ATRIP: variants seen among roughly 807,000 people sequenced by gnomAD.
ATRIP encodes the protein ATR-interacting protein.
In ATRIP, 44 loss-of-function variants were observed where a neutral mutation model predicts 78.1. The ratio of observed to expected loss-of-function variants is 0.56; its 90% CI spans 0.44 to 0.72. The LOEUF (loss-of-function observed/expected upper bound fraction) is 0.72, where lower values mean the gene tolerates loss of function less well. Ranked by LOEUF, ATRIP falls within the 30% of genes least tolerant of loss-of-function variation. The pLI is 0.00. For missense variants in ATRIP, 927 were observed against 980.2 expected, an observed-to-expected ratio of 0.95 and a Z score of 0.72; for synonymous variants, 388 against 408.9, an observed-to-expected ratio of 0.95 and a Z score of 0.62.
chr3:48,467,392 C>A lies in ATRIP; in HGVS notation c.*1838C>A. ...TCTGCTAGGACCAAGCCAAGACCATCTGCTGTCACAACCACTGCACACCTG... is the reference window on the plus strand; with the variant it reads ...TCTGCTAGGACCAAGCCAAGACCATATGCTGTCACAACCACTGCACACCTG... On this transcript the variant is annotated 3_prime_UTR_variant, in exon 13 of 13. Transcript: ENST00000320211. The A allele has an allele frequency of 6.2e-7, 1 of 1,614,196 alleles. No homozygotes were observed. The highest frequency in any genetic ancestry group is 1.3e-5 in the African/African-American group (1 of 75,062).
Position 48,446,786 on chromosome 3 carries a change from C to T in ATRIP, c.-60C>T, listed in dbSNP as rs1012978179. ...CGCGCGGACGGTTGGTCCAGTTCTC[C>T]GGCCTGGCGGCAGGCAAGTCTAGCT... On this transcript the variant is annotated 5_prime_UTR_variant, in exon 1 of 13. Transcript: ENST00000320211. The T allele has an allele frequency of 1.8e-5, 25 of 1,353,758 alleles. No individual in the cohort carries two copies. The Admixed American group carries it at 7.4e-4, about 40-fold the overall frequency. The allele number at this position is 1,353,758 out of a possible 1,614,324, so 83.9% of individuals were successfully genotyped here.
rs773631605 is a variant in ATRIP at position 48,459,443 on chromosome 3, C to T, written c.914C>T (p.Ser305Leu). Residue 305 changes from serine to leucine, a missense_variant, in exon 6 of 13, where the codon TCA (serine) becomes TTA (leucine). Ser to Leu is a moderately radical substitution (Grantham distance 145, BLOSUM62 -2). Transcript: ENST00000320211. Reference sequence around the variant, plus strand: ...TTTGTTGACAGCTGGAGACAGAGATCAAACACTCAAGGTACCAGAATCCCT... The same window carrying T: ...TTTGTTGACAGCTGGAGACAGAGATTAAACACTCAAGGTACCAGAATCCCT... ...KSFVDSWRQR[S>L]NTQGSILINL... is the part of the protein sequence containing the mutation. The T allele has an allele frequency of 1.2e-6, 2 of 1,613,756 alleles. No individual in the cohort carries two copies. The highest frequency in any genetic ancestry group is 1.3e-5 in the African/African-American group (1 of 75,034).
In ATRIP at chr3:48,460,178, T is replaced by C. The variant is rs1341562059; in HGVS notation, c.1124T>C (p.Leu375Pro). 1 of 1,614,074 alleles carries C rather than the reference T, an allele frequency of 6.2e-7. No individual in the cohort carries two copies. The highest frequency in any genetic ancestry group is 1.7e-5 in the Admixed American group (1 of 60,014). The change falls in exon 8 of 13, where the codon CTG becomes CCG. Residue 375 changes from leucine (L) to proline (P), a missense_variant. Leu to Pro is a moderately conservative substitution (Grantham distance 98). Coordinates refer to ENST00000320211, the MANE Select transcript of ATRIP (RefSeq NM_130384.3). Reference sequence around the variant, plus strand: ...GATGGGTCATTTTCCCTCTCAGCCCTGAGAGAAGCACAGAACCTGGCATTC... The same window carrying C: ...GATGGGTCATTTTCCCTCTCAGCCCCGAGAGAAGCACAGAACCTGGCATTC... ...SYDGSFSLSA[L>P]REAQNLAFTG...
At chr3:48,464,451 C>T (rs2040210620) in intron 10 of ATRIP, 131 bp from the exon 11 acceptor site, 1 of 1,073,328 alleles carries the variant, frequency 9.3e-7, no homozygotes, top group Non-Finnish European at 1.4e-6. Context: ...AGGTCCCACA[C>T]CACTTCTTGG....
At position 48,460,784 on chromosome 3, in the gene ATRIP, G is replaced by T. The variant is rs1560107116; in HGVS notation, c.1730G>T (p.Cys577Phe). ...VLVKLAENTS[C>F]DFLPRFQCVF... is the part of the protein sequence containing the mutation. ...GTGAAATTAGCCGAAAACACTTCCT[G>T]TGATTTCTTGCCCAGGTATTAAGCT... Residue 577 changes from cysteine (C) to phenylalanine (F), a missense_variant, in exon 8 of 13, where the codon TGT becomes TTT. By Grantham distance (205) the Cys-to-Phe change is radical. Transcript: ENST00000320211. 1 of 1,598,016 alleles carries T rather than the reference G, an allele frequency of 6.3e-7. No homozygotes were observed. The highest frequency in any genetic ancestry group is 1.7e-5 in the Admixed American group (1 of 59,520).
chr3:48,451,223 C>A (rs912562651), intron 2 of ATRIP, among the ~76,000 whole-genome samples: 1 of 151,786 alleles, frequency 6.6e-6, no homozygotes, highest in African/African-American at 2.4e-5. Context: ...GGCAAGGTGG[C>A]TCATGCCTGT....
At chr3:48,456,715 C>G (rs1352504644) in intron 4 of ATRIP, among the ~76,000 whole-genome samples, 1 of 151,566 alleles carries the variant, frequency 6.6e-6, no homozygotes, top group Admixed American at 6.6e-5. Context: ...GTCAAGGCTG[C>G]AGTGAGCTAT....
chr3:48,463,888 C>G lies in ATRIP; in HGVS notation c.1882+7C>G. ...CAGCTCTGTTCCCACTCAGGTAAAG[C>G]AGGGTGGGGCGGGCGTCTAGACTGC... is the stretch of plus-strand genomic sequence containing the variant. On this transcript the variant is annotated splice_region_variant and intron_variant, in intron 9 of 12. Transcript: ENST00000320211. The G allele has an allele frequency of 6.2e-7, 1 of 1,614,010 alleles. No individual in the cohort carries two copies.
At position 48,467,394 on chromosome 3, in the gene ATRIP, G is replaced by C. The variant is rs112741962; in HGVS notation, c.*1840G>C. 1.3e-4 allele frequency: 204 copies of C among 1,614,204 alleles called. No individual in the cohort carries two copies. The African/African-American group carries it at 2.1e-3, about 16-fold the overall frequency. On this transcript the variant is annotated 3_prime_UTR_variant, in exon 13 of 13. Coordinates refer to ENST00000320211, the MANE Select transcript of ATRIP (RefSeq NM_130384.3). The stretch of plus-strand genomic sequence containing the variant: ...TGCTAGGACCAAGCCAAGACCATCT[G>C]CTGTCACAACCACTGCACACCTGGC...
chr3:48,446,963 G>C lies in ATRIP; in HGVS notation c.118G>C (p.Ala40Pro). The change falls in exon 1 of 13, where the codon GCC becomes CCC. Residue 40 changes from alanine to proline, a missense_variant. Transcript: ENST00000320211. ...PSKRARGFSA[A>P]AAPDPDDPFG... ...CAAGCGGGCCCGGGGCTTCTCCGCA[G>C]CCGCTGCCCCGGACCCTGACGACCC... is the stretch of plus-strand genomic sequence containing the variant. 3 of 1,545,474 alleles carry C rather than the reference G, an allele frequency of 1.9e-6. No homozygotes were observed. The highest frequency in any genetic ancestry group is 1.7e-6 in the Non-Finnish European group (2 of 1,148,944).
At chr3:48,450,230 T>C in intron 2 of ATRIP, 60 bp downstream of exon 2, 2 of 1,553,358 alleles carry the variant, frequency 1.3e-6, no homozygotes, top group Non-Finnish European at 1.8e-6. Flanking sequence ...TTTAAAAGCA[T>C]TGTACAGTAA....
rs771996246 is a variant in ATRIP, at chr3:48,467,462, T to C, written c.*1908T>C. On this transcript the variant is annotated 3_prime_UTR_variant, in exon 13 of 13. Transcript: ENST00000320211. Reference sequence around the variant, plus strand: ...GTCCCAGCCTTGGAGAGAGCAGGGGTACCAAGGATCTTCCTCCAGTGAAGG... The same window carrying C: ...GTCCCAGCCTTGGAGAGAGCAGGGGCACCAAGGATCTTCCTCCAGTGAAGG... The C allele has an allele frequency of 1.2e-6, 2 of 1,613,868 alleles. No homozygotes were observed. Among genetic ancestry groups the C allele is most frequent in the Non-Finnish European group, 1.7e-6 (2 of 1,179,996 alleles).
Position 48,466,176 on chromosome 3 carries a change from G to A in ATRIP, c.*622G>A, listed in dbSNP as rs3135940. 6.1e-5 allele frequency: 31 copies of A among 508,390 alleles called. No homozygotes were observed. The highest frequency in any genetic ancestry group is 2.3e-4 in the Admixed American group (7 of 30,864). 31.5% of individuals were successfully genotyped at this position (508,390 alleles called of 1,614,324 possible). On this transcript the variant is annotated 3_prime_UTR_variant, in exon 13 of 13. Coordinates refer to ENST00000320211, the MANE Select transcript of ATRIP (RefSeq NM_130384.3). ...AGAGGGACAGACCAGGCAGGCTGAC[G>A]AGCAGGGCGGGCCTGGCTCACGTGG...
In ATRIP at chr3:48,446,929, C is replaced by T. The variant is rs766536731; in HGVS notation, c.84C>T (p.His28=). 2.1e-6 allele frequency: 3 copies of T among 1,449,886 alleles called. No individual in the cohort carries two copies. The highest frequency in any genetic ancestry group is 5.7e-5 in the East Asian group (2 of 35,344). The allele number at this position is 1,449,886 out of a possible 1,614,324, so 89.8% of individuals were successfully genotyped here. A position where few individuals can be genotyped will look rare whatever the true frequency, so the allele number is the denominator to read the frequency against. ...PRPGPPPGTG[H]PPSKRARGFS... Reference sequence around the variant, plus strand: ...CCGGCCCGCCGCCGGGCACCGGGCACCCCCCGAGCAAGCGGGCCCGGGGCT... The same window carrying T: ...CCGGCCCGCCGCCGGGCACCGGGCATCCCCCGAGCAAGCGGGCCCGGGGCT... Residue 28 remains histidine (H), a synonymous_variant, in exon 1 of 13, where the codon CAC becomes CAT. Coordinates refer to ENST00000320211, the MANE Select transcript of ATRIP (RefSeq NM_130384.3).
chr3:48,464,243 C>A, intron 10 of ATRIP, 111 bp downstream of exon 10: 1 of 1,033,810 alleles, frequency 9.7e-7, no homozygotes, highest in Non-Finnish European at 1.5e-6. Flanking sequence ...ATTTTAGTAA[C>A]AAGAGTTGAT....
In ATRIP at chr3:48,466,220, G is replaced by A. The variant is rs560746840; in HGVS notation, c.*666G>A. The A allele has an allele frequency of 1.4e-5, 8 of 575,408 alleles. No individual in the cohort carries two copies. Among genetic ancestry groups the A allele is most frequent in the Admixed American group, 2.9e-5 (1 of 34,138 alleles). The allele number at this position is 575,408 out of a possible 1,614,324, so 35.6% of individuals were successfully genotyped here. A position where few individuals can be genotyped will look rare whatever the true frequency, so the allele number is the denominator to read the frequency against. On this transcript the variant is annotated 3_prime_UTR_variant, in exon 13 of 13. Transcript: ENST00000320211. Reference sequence around the variant, plus strand: ...CACGTGGGCCTGTAGGCGGGCCCACGCCAAGTTTCACTTCCCGCCACTGCT... The same window carrying A: ...CACGTGGGCCTGTAGGCGGGCCCACACCAAGTTTCACTTCCCGCCACTGCT...
In ATRIP at chr3:48,467,374, G is replaced by A. The variant is rs745707260; in HGVS notation, c.*1820G>A. 5.0e-6 allele frequency: 8 copies of A among 1,614,066 alleles called. No individual in the cohort carries two copies. In the African/African-American group the frequency reaches 6.7e-5, roughly 13 times the overall value. ...ATGTATGGGGTCACAGCCTCTGCTA[G>A]GACCAAGCCAAGACCATCTGCTGTC... On this transcript the variant is annotated 3_prime_UTR_variant, in exon 13 of 13. Coordinates refer to ENST00000320211, the MANE Select transcript of ATRIP (RefSeq NM_130384.3).
chr3:48,466,608 C>T lies in ATRIP; in HGVS notation c.*1054C>T, dbSNP rs1192387775. The T allele has an allele frequency of 1.2e-6, 2 of 1,613,910 alleles. No homozygotes were observed. Among genetic ancestry groups the T allele is most frequent in the African/African-American group, 1.3e-5 (1 of 74,868 alleles). On this transcript the variant is annotated 3_prime_UTR_variant, in exon 13 of 13. Transcript: ENST00000320211. ...GATCTTAACACTGGGCACTCACACA[C>T]CCACCCCATGCTCCTCTCCAGGCTC...
Position 48,446,957 on chromosome 3 carries a change from T to G in ATRIP, c.112T>G (p.Ser38Ala). 6.5e-7 allele frequency: 1 copy of G among 1,537,956 alleles called. No homozygotes were observed. Among genetic ancestry groups the G allele is most frequent in the Non-Finnish European group, 8.7e-7 (1 of 1,144,856 alleles). Residue 38 changes from serine to alanine, a missense_variant, in exon 1 of 13, where the codon TCC becomes GCC. By Grantham distance (99) the Ser-to-Ala change is moderately conservative. Transcript: ENST00000320211. ...HPPSKRARGF[S>A]AAAAPDPDDP... ...CCCGAGCAAGCGGGCCCGGGGCTTC[T>G]CCGCAGCCGCTGCCCCGGACCCTGA...
Sources: allele counts gnomAD v4.1 joint callset (sites outside exome capture counted in the v4.1 genomes callset), GRCh38; gene constraint gnomAD v4.1.1; transcripts MANE v1.5; gene names NCBI Gene and HGNC (gene_info 2026-07-23, HGNC 2026-07-21).